AHNAK: variants seen among roughly 807,000 people sequenced by gnomAD.
AHNAK encodes neuroblast differentiation-associated protein AHNAK.
AHNAK carries 23 observed loss-of-function variants against 37.8 expected under a neutral mutation model. The observed-to-expected ratio is 0.61, with a 90% CI of 0.44 to 0.86. The LOEUF is 0.86. AHNAK is among the 40% of genes least tolerant of loss of function. The pLI is 0.00. For missense variants in AHNAK, 7,411 were observed against 7,319.4 expected, an observed-to-expected ratio of 1.01 and a Z score of -0.46; for synonymous variants, 2,481 against 2,636.3, an observed-to-expected ratio of 0.94 and a Z score of 1.80.
chr11:62,516,351 A>G lies in AHNAK; in HGVS notation c.*393T>C, dbSNP rs1940017942. 7.8e-7 allele frequency: 1 copy of G among 1,284,438 alleles called. No individual in the cohort carries two copies. Among genetic ancestry groups the G allele is most frequent in the Non-Finnish European group, 1.0e-6 (1 of 985,396 alleles). 79.6% of individuals were successfully genotyped at this position (1,284,438 alleles called of 1,614,324 possible). Reference sequence around the variant, plus strand: ...TCACCCCACCCACCCTTACTAACAAAAGCCCCCAAAGTCATTACAATGAAA... The same window carrying G: ...TCACCCCACCCACCCTTACTAACAAGAGCCCCCAAAGTCATTACAATGAAA... On this transcript the variant is annotated 3_prime_UTR_variant, in exon 5 of 5. Transcript: ENST00000378024.
chr11:62,516,932 C>G lies in AHNAK; in HGVS notation c.17485G>C (p.Gly5829Arg). ...KLKFGTFGGL[G>R]SKSKGHYEVT... ...TCATAATGACCTTTGCTCTTTGACC[C>G]CAATCCACCAAAGGTACCGAATTTC... The change falls in exon 5 of 5, where the codon GGG becomes CGG. Residue 5829 changes from glycine (G) to arginine (R), a missense_variant. Transcript: ENST00000378024. 1 of 1,613,948 alleles carries G rather than the reference C, an allele frequency of 6.2e-7. No homozygotes were observed. Among genetic ancestry groups the G allele is most frequent in the Non-Finnish European group, 8.5e-7 (1 of 1,179,846 alleles).
Position 62,524,038 on chromosome 11 carries a change from G to C in AHNAK, c.10379C>G (p.Ala3460Gly). Reference protein sequence around the residue: ...DIKAPEVNLNAPDVDVHGPDW... With the variant: ...DIKAPEVNLNGPDVDVHGPDW... Reference sequence around the variant, plus strand: ...TGGACCATGAACATCCACATCAGGTGCATTAAGATTGACTTCTGGTGCCTT... The same window carrying C: ...TGGACCATGAACATCCACATCAGGTCCATTAAGATTGACTTCTGGTGCCTT... Residue 3460 changes from alanine to glycine, a missense_variant, in exon 5 of 5, where the codon GCA (alanine) becomes GGA (glycine). Transcript: ENST00000378024. 6.2e-7 allele frequency: 1 copy of C among 1,614,052 alleles called. No homozygotes were observed. The highest frequency in any genetic ancestry group is 1.1e-5 in the South Asian group (1 of 91,040).
Position 62,528,413 on chromosome 11 carries a change from T to A in AHNAK, c.6004A>T (p.Lys2002Ter), listed in dbSNP as rs1430023175. ...GACACATCCATATCCCCTTTGACTT[T>A]GGGGCCTTTCAGGTGTAAGTCCACA... ...PDVDLHLKGPKVKGDMDVSVP... is the reference protein window; with the variant it reads ...PDVDLHLKGP The change falls in exon 5 of 5, where the codon AAA becomes TAA. Residue 2002 changes from lysine to a stop codon, truncating the protein, a stop_gained. Coordinates refer to ENST00000378024, the MANE Select transcript of AHNAK (RefSeq NM_001620.3). LOFTEE classifies it low-confidence loss of function (END_TRUNC). The A allele has an allele frequency of 6.2e-7, 1 of 1,613,830 alleles. No homozygotes were observed. Among genetic ancestry groups the A allele is most frequent in the East Asian group, 2.2e-5 (1 of 44,866 alleles).
Position 62,520,667 on chromosome 11 carries a change from G to C in AHNAK, c.13750C>G (p.Pro4584Ala). ...GKLKGPKFKM[P>A]DLHLKAPKIS... is the part of the protein sequence containing the mutation. The stretch of plus-strand genomic sequence containing the variant: ...TTCGGTGCCTTGAGGTGTAAGTCAG[G>C]CATTTTAAATTTGGGGCCCTTCAGT... Residue 4584 changes from proline (P) to alanine (A), a missense_variant, in exon 5 of 5, where the codon CCT (proline) becomes GCT (alanine). By Grantham distance (27) the Pro-to-Ala change is conservative. Transcript: ENST00000378024. 1 of 1,614,046 alleles carries C rather than the reference G, an allele frequency of 6.2e-7. No homozygotes were observed. The highest frequency in any genetic ancestry group is 8.5e-7 in the Non-Finnish European group (1 of 1,180,030).
chr11:62,471,794 A>G (rs1205822048), intron 5 of AHNAK, among the ~76,000 whole-genome samples: 1 of 152,176 alleles, frequency 6.6e-6, no homozygotes, highest in East Asian at 1.9e-4. Flanking sequence ...GCGGGTACCC[A>G]CAGGCACCCC....
Position 62,519,006 on chromosome 11 carries a change from CT to C in AHNAK, c.15410del (p.Lys5137ArgfsTer19). On this transcript the variant is annotated frameshift_variant, in exon 5 of 5. Coordinates refer to ENST00000378024, the MANE Select transcript of AHNAK (RefSeq NM_001620.3). LOFTEE classifies it low-confidence loss of function (END_TRUNC). ...PAIHVEGLDI[K>X]AKAPKVKMPD... The stretch of plus-strand genomic sequence containing the variant: ...GCATCTTGACCTTGGGAGCCTTCGC[CT>C]TGATGTCAAGACCTTCGACGTGAAT... 1 of 1,614,088 alleles carries C rather than the reference CT, an allele frequency of 6.2e-7. No homozygotes were observed. The highest frequency in any genetic ancestry group is 8.5e-7 in the Non-Finnish European group (1 of 1,179,982).
At chr11:62,467,583 A>G (rs1358487337) in intron 5 of AHNAK, among the ~76,000 whole-genome samples, 1 of 152,134 alleles carries the variant, frequency 6.6e-6, no homozygotes, top group Non-Finnish European at 1.5e-5. Context: ...TACTCGGGAG[A>G]CTGAGGCAGG....
At position 62,524,066 on chromosome 11, in the gene AHNAK, T is replaced by C; in HGVS notation, c.10351A>G (p.Ile3451Val). The C allele has an allele frequency of 1.9e-6, 3 of 1,614,140 alleles. No individual in the cohort carries two copies. The highest frequency in any genetic ancestry group is 4.5e-5 in the East Asian group (2 of 44,892). Residue 3451 changes from isoleucine (I) to valine (V), a missense_variant, in exon 5 of 5, where the codon ATT (isoleucine) becomes GTT (valine). Ile to Val is a conservative substitution (Grantham distance 29). Transcript: ENST00000378024. The stretch of plus-strand genomic sequence containing the variant: ...TTAAGATTGACTTCTGGTGCCTTAA[T>C]ATCCACTTTGGGGCCTTTAAAGTCA... Reference protein sequence around the residue: ...EGDFKGPKVDIKAPEVNLNAP... With the variant: ...EGDFKGPKVDVKAPEVNLNAP...
chr11:62,519,260 C>G lies in AHNAK; in HGVS notation c.15157G>C (p.Ala5053Pro). The G allele has an allele frequency of 2.5e-6, 4 of 1,614,140 alleles. No individual in the cohort carries two copies. The highest frequency in any genetic ancestry group is 3.4e-6 in the Non-Finnish European group (4 of 1,180,024). The stretch of plus-strand genomic sequence containing the variant: ...TCTACATCCGGAGCCTTGAGGCTGG[C>G]ATCAATTTCACCCCCAGGAACATTC... The part of the protein sequence containing the change: ...DLNVPGGEID[A>P]SLKAPDVDVN... The change falls in exon 5 of 5, where the codon GCC becomes CCC. Residue 5053 changes from alanine to proline, a missense_variant. Physicochemically the swap from Ala to Pro is conservative, Grantham distance 27. Coordinates refer to ENST00000378024, the MANE Select transcript of AHNAK (RefSeq NM_001620.3).
Position 62,521,971 on chromosome 11 carries a change from A to G in AHNAK, c.12446T>C (p.Val4149Ala). 6.2e-7 allele frequency: 1 copy of G among 1,612,968 alleles called. No individual in the cohort carries two copies. The highest frequency in any genetic ancestry group is 2.2e-5 in the East Asian group (1 of 44,792). Residue 4149 changes from valine to alanine, a missense_variant, in exon 5 of 5, where the codon GTT (valine) becomes GCT (alanine). Transcript: ENST00000378024. ...KGPKMKGDVD[V>A]SLPKVEGDLK... is the part of the protein sequence containing the mutation. Reference sequence around the variant, plus strand: ...GTCGCCTTCCACTTTGGGCAGAGAAACGTCCACGTCGCCCTTCATCTTTGG... The same window carrying G: ...GTCGCCTTCCACTTTGGGCAGAGAAGCGTCCACGTCGCCCTTCATCTTTGG...
At chr11:62,461,180 C>T in intron 5 of AHNAK, among the ~76,000 whole-genome samples, 1 of 126,164 alleles carries the variant, frequency 7.9e-6, no homozygotes. Flanking sequence ...AGAGTCTCAC[C>T]CTGTCACCAA....
At chr11:62,468,706 C>T (rs1387281815) in intron 5 of AHNAK, among the ~76,000 whole-genome samples, 2 of 152,104 alleles carry the variant, frequency 1.3e-5, no homozygotes, top group Non-Finnish European at 1.5e-5. Context: ...GTCAAACTTC[C>T]CATGCTGATC....
Position 62,532,015 on chromosome 11 carries a change from A to G in AHNAK, c.2402T>C (p.Leu801Ser). The part of the protein sequence containing the change: ...DVSIEEPEGK[L>S]KGPKFKMPEM... The stretch of plus-strand genomic sequence containing the variant: ...AGGCATCTTAAACTTGGGCCCTTTC[A>G]ATTTCCCTTCTGGTTCCTCAATGCT... Residue 801 changes from leucine (L) to serine (S), a missense_variant, in exon 5 of 5, where the codon TTG (leucine) becomes TCG (serine). Coordinates refer to ENST00000378024, the MANE Select transcript of AHNAK (RefSeq NM_001620.3). The G allele has an allele frequency of 1.2e-6, 2 of 1,613,658 alleles. No homozygotes were observed. Among genetic ancestry groups the G allele is most frequent in the Non-Finnish European group, 1.7e-6 (2 of 1,179,956 alleles).
At chr11:62,493,638 T>C (rs1939551077) in intron 4 of AHNAK, among the ~76,000 whole-genome samples, 1 of 146,268 alleles carries the variant, frequency 6.8e-6, no homozygotes, top group Admixed American at 6.6e-5. Flanking sequence ...CCAGCCTTTT[T>C]TTTATTTTTT....
chr11:62,449,051 G>A (rs772709796), intron 5 of AHNAK, among the ~76,000 whole-genome samples: 3 of 152,070 alleles, frequency 2.0e-5, no homozygotes, highest in Non-Finnish European at 4.4e-5. Context: ...CTGGGTGACA[G>A]AGCGAGACTC....
At chr11:62,545,351 G>A (rs370049503) in intron 1 of AHNAK, among the ~76,000 whole-genome samples, 76 of 152,218 alleles carry the variant, frequency 5.0e-4, no homozygotes, top group African/African-American at 1.7e-3. Context: ...TGCCCCCTCC[G>A]CACCCCTCCC....
chr11:62,489,355 G>A (rs1351166376), intron 5 of AHNAK, among the ~76,000 whole-genome samples: 1 of 152,030 alleles, frequency 6.6e-6, no homozygotes, highest in African/African-American at 2.4e-5. Flanking sequence ...GCTGAGCCAA[G>A]AGCTGAGCCA....
chr11:62,447,022 G>A (rs1938434261), intron 5 of AHNAK, among the ~76,000 whole-genome samples: 1 of 151,662 alleles, frequency 6.6e-6, no homozygotes, highest in African/African-American at 2.4e-5. Flanking sequence ...CCCCTCCCCT[G>A]CCAAAATGTG....
chr11:62,516,249 G>A lies in AHNAK; in HGVS notation c.*495C>T. On this transcript the variant is annotated 3_prime_UTR_variant, in exon 5 of 5. Transcript: ENST00000378024. ...CACACCCTGACTACCACCACCTCTG[G>A]GCCATCTGTGGGCGTTTGCTGTTTG... The A allele has an allele frequency of 2.3e-6, 3 of 1,289,110 alleles. No homozygotes were observed. Among genetic ancestry groups the A allele is most frequent in the Non-Finnish European group, 3.0e-6 (3 of 988,712 alleles). The allele number at this position is 1,289,110 out of a possible 1,614,324, so 79.9% of individuals were successfully genotyped here.
Sources: gnomAD v4.1 joint callset for allele counts (sites outside exome capture counted in the v4.1 genomes callset) on GRCh38, gnomAD v4.1.1 for gene constraint, MANE v1.5 for transcripts, NCBI Gene and HGNC (gene_info 2026-07-23, HGNC 2026-07-21) for gene names.